The following SGCZ variants were observed in gnomAD, a reference collection of about 807,000 sequenced individuals.
SGCZ encodes sarcoglycan zeta.
Under a neutral mutation model 41.3 loss-of-function variants are expected in SGCZ, and 40 were observed. The ratio of observed to expected loss-of-function variants is 0.97; its 90% CI spans 0.75 to 1.26. The LOEUF is 1.26. Among genes scored for constraint, SGCZ ranks in the 50% most tolerant of loss-of-function variants. The pLI, the probability that SGCZ is intolerant of heterozygous loss-of-function variation, is 0.00. For synonymous variants in SGCZ, 206 were observed against 137.5 expected (o/e 1.50, Z -3.49); for missense variants, 552 against 369.8 (o/e 1.49, Z -4.04).
At chr8:14,594,862 A>G (rs1208591196) in intron 1 of SGCZ, among the ~76,000 whole-genome samples, 1 of 151,866 alleles carries the variant, frequency 6.6e-6, no homozygotes, top group African/African-American at 2.4e-5. Context: ...ACCAACAATT[A>G]CATATTATTT....
rs546646533 is a variant in SGCZ at position 14,164,741 on chromosome 8, G to T, written c.425-39C>A. The T allele has an allele frequency of 1.0e-4, 165 of 1,605,100 alleles. 4 individuals carry two copies. The South Asian group carries it at 1.8e-3, about 17-fold the overall frequency. The stretch of plus-strand genomic sequence containing the variant: ...AAAGGTTTAAAAATGAAACTGGTAT[G>T]CAGGAAACCATTAACATGTATTTTT... On this transcript the variant is annotated intron_variant, in intron 4 of 7. Coordinates refer to ENST00000382080, the MANE Select transcript of SGCZ (RefSeq NM_139167.4).
At chr8:14,595,250 T>C in intron 1 of SGCZ, among the ~76,000 whole-genome samples, 1 of 152,328 alleles carries the variant, frequency 6.6e-6, no homozygotes, top group East Asian at 1.9e-4. Flanking sequence ...ATACAAGTCA[T>C]TTCAAAATAA....
At chr8:14,577,735 A>G (rs1357765801) in intron 1 of SGCZ, among the ~76,000 whole-genome samples, 1 of 152,262 alleles carries the variant, frequency 6.6e-6, no homozygotes, top group East Asian at 1.9e-4. Flanking sequence ...TGTCCTTCCA[A>G]TCTGCTCATA....
chr8:14,977,916 T>C (rs1005799926), intron 1 of SGCZ, among the ~76,000 whole-genome samples: 1 of 150,376 alleles, frequency 6.6e-6, no homozygotes, highest in African/African-American at 2.5e-5. Flanking sequence ...CACACATATA[T>C]ACACACACAT....
rs373952900 is a variant in SGCZ, at chr8:14,827,038, G to A, written c.40-272112C>T. On this transcript the variant is annotated intron_variant, in intron 1 of 7. Coordinates refer to ENST00000382080, the MANE Select transcript of SGCZ (RefSeq NM_139167.4). ...CCTATGTCCTGAATGGTATTGCCTC[G>A]GTTTTCTTCTAGGGTTTTTATGGTT... Among the ~76,000 whole-genome samples, 35 of 151,770 alleles carry A rather than the reference G, an allele frequency of 2.3e-4. No individual in the cohort carries two copies. The East Asian group carries it at 3.9e-3, about 17-fold the overall frequency.
chr8:14,931,099 G>C (rs1320630367), intron 1 of SGCZ, among the ~76,000 whole-genome samples: 1 of 151,934 alleles, frequency 6.6e-6, no homozygotes, highest in African/African-American at 2.4e-5. Context: ...TCTGGTATGA[G>C]GCTTTTAACG....
chr8:15,194,341 A>G (rs1480505142), intron 1 of SGCZ, among the ~76,000 whole-genome samples: 2 of 152,110 alleles, frequency 1.3e-5, no homozygotes, highest in South Asian at 2.1e-4. Flanking sequence ...CCAAAACCCT[A>G]TATTAAAGGT....
chr8:15,031,484 C>T (rs1049668769), intron 1 of SGCZ, among the ~76,000 whole-genome samples: 2 of 152,162 alleles, frequency 1.3e-5, no homozygotes, highest in Non-Finnish European at 2.9e-5. Flanking sequence ...ATTTATTAAG[C>T]ACTTACAACA....
chr8:14,226,350 A>C (rs1485285278), intron 4 of SGCZ, among the ~76,000 whole-genome samples: 2 of 152,104 alleles, frequency 1.3e-5, no homozygotes, highest in Admixed American at 1.3e-4. Flanking sequence ...GGACAGGTTC[A>C]TCACCCTCAG....
At chr8:14,378,654 A>G (rs1307212154) in intron 2 of SGCZ, among the ~76,000 whole-genome samples, 2 of 152,204 alleles carry the variant, frequency 1.3e-5, no homozygotes, top group African/African-American at 4.8e-5. Flanking sequence ...CTGGTTGGTC[A>G]CAAGTATAGG....
intron 4 of SGCZ, among the ~76,000 whole-genome samples, chr8:14,200,754 A>G (rs1805429196): frequency 6.6e-6 from 1 of 152,182 alleles, no homozygotes; most frequent in African/African-American, 2.4e-5. Flanking sequence ...TGATCTTATT[A>G]ACTATGGCAC....
intron 3 of SGCZ, among the ~76,000 whole-genome samples, chr8:14,273,712 C>CCAA (rs1233526862): frequency 6.6e-6 from 1 of 152,048 alleles, no homozygotes; most frequent in Non-Finnish European, 1.5e-5. Flanking sequence ...CTTTCAATAT[C>CCAA]CAACCTTAAC....
intron 1 of SGCZ, among the ~76,000 whole-genome samples, chr8:14,667,628 C>T (rs1807952632): frequency 2.0e-5 from 3 of 152,032 alleles, no homozygotes; most frequent in South Asian, 4.1e-4. Context: ...CTGTTTATAC[C>T]ACAAAGATAC....
chr8:15,068,914 T>A (rs1805251404), intron 1 of SGCZ, among the ~76,000 whole-genome samples: 1 of 152,188 alleles, frequency 6.6e-6, no homozygotes, highest in South Asian at 2.1e-4. Flanking sequence ...GGTCTGTGCT[T>A]CTACTACTAA....
chr8:14,540,180 A>G (rs17119771), intron 2 of SGCZ, among the ~76,000 whole-genome samples: 44,656 of 129,798 alleles, frequency 0.34, 6,921 homozygotes, highest in Middle Eastern at 0.57. Context: ...TTGGTGCTAT[A>G]TTTTTACTCC....
intron 1 of SGCZ, among the ~76,000 whole-genome samples, chr8:14,799,871 C>G (rs188204907): frequency 6.6e-6 from 1 of 151,942 alleles, no homozygotes; most frequent in Admixed American, 6.6e-5. Context: ...GCTTCTTTTA[C>G]TAGAGAAGAA....
chr8:14,151,121 G>C (rs1024506545), intron 5 of SGCZ, among the ~76,000 whole-genome samples: 3 of 152,024 alleles, frequency 2.0e-5, no homozygotes, highest in African/African-American at 7.2e-5. Flanking sequence ...GCACAATAGG[G>C]TGACTATAGT....
chr8:14,227,261 G>A (rs998177151), intron 4 of SGCZ, among the ~76,000 whole-genome samples: 1 of 151,984 alleles, frequency 6.6e-6, no homozygotes, highest in Non-Finnish European at 1.5e-5. Context: ...AATGCAAACA[G>A]TTTTCTTTAT....
intron 1 of SGCZ, among the ~76,000 whole-genome samples, chr8:15,070,304 T>C (rs574894955): frequency 6.6e-6 from 1 of 152,306 alleles, no homozygotes; most frequent in East Asian, 1.9e-4. Flanking sequence ...TTTTTAAGGT[T>C]CATCTTCTCT....
Sources: allele counts gnomAD v4.1 joint callset (sites outside exome capture counted in the v4.1 genomes callset), GRCh38; gene constraint gnomAD v4.1.1; transcripts MANE v1.5; gene names NCBI Gene and HGNC (gene_info 2026-07-23, HGNC 2026-07-21).